The following ADAMTS18 variants were observed in gnomAD, a reference collection of about 807,000 sequenced individuals.
The protein encoded by ADAMTS18 is ADAM metallopeptidase with thrombospondin type 1 motif 18.
In ADAMTS18, 157 loss-of-function variants were observed where a neutral mutation model predicts 165.9. The observed-to-expected ratio is 0.95, with a 90% CI of 0.83 to 1.08. The LOEUF (loss-of-function observed/expected upper bound fraction) is 1.08, where lower values mean the gene tolerates loss of function less well. Ranked by LOEUF, ADAMTS18 falls within the 50% of genes least tolerant of loss-of-function variation. The pLI is 0.00. For missense variants in ADAMTS18, 2,040 were observed against 1,534.0 expected (o/e 1.33, Z -5.51); for synonymous variants, 782 against 578.2 (o/e 1.35, Z -5.06).
chr16:77,302,987 C>A (rs9319508), intron 16 of ADAMTS18, among the ~76,000 whole-genome samples: 89,135 of 151,978 alleles, frequency 0.59, 27,334 homozygotes, highest in Non-Finnish European at 0.69. Flanking sequence ...GCCAACCATA[C>A]AAAATTATCA....
intron 16 of ADAMTS18, among the ~76,000 whole-genome samples, chr16:77,317,515 G>C (rs576641444): frequency 1.8e-4 from 28 of 152,314 alleles, no homozygotes; most frequent in Admixed American, 1.2e-3. Context: ...TGTATTTTTA[G>C]TAGAGATGGG....
intron 3 of ADAMTS18, among the ~76,000 whole-genome samples, chr16:77,425,536 A>G (rs1354912829): frequency 6.6e-6 from 1 of 152,254 alleles, no homozygotes; most frequent in Non-Finnish European, 1.5e-5. Context: ...CAGAAATGCA[A>G]TATGACTGAC....
intron 16 of ADAMTS18, among the ~76,000 whole-genome samples, chr16:77,314,649 G>GTATATA (rs200681259): frequency 1.6e-5 from 2 of 126,476 alleles, no homozygotes; most frequent in African/African-American, 6.2e-5. Context: ...GTGTGTGTGT[G>GTATATA]TATATATATA....
intron 3 of ADAMTS18, among the ~76,000 whole-genome samples, chr16:77,395,127 G>T (rs138993391): frequency 6.9e-4 from 105 of 152,326 alleles, no homozygotes; most frequent in African/African-American, 2.4e-3. Flanking sequence ...CATACCAGAA[G>T]AGACCTGAGG....
At chr16:77,305,124 C>CCG (rs1555510326) in intron 16 of ADAMTS18, among the ~76,000 whole-genome samples, 1 of 1,010 alleles carries the variant, frequency 9.9e-4, no homozygotes, top group African/African-American at 7.2e-3. Flanking sequence ...AGTACCAAGA[C>CCG]AAATATATAA....
intron 13 of ADAMTS18, among the ~76,000 whole-genome samples, chr16:77,323,899 T>C (rs1440102988): frequency 1.3e-5 from 2 of 152,052 alleles, no homozygotes; most frequent in Non-Finnish European, 2.9e-5. Context: ...ACAAAAAGAG[T>C]TCAGTAAACA....
intron 3 of ADAMTS18, among the ~76,000 whole-genome samples, chr16:77,396,559 G>A (rs2057259449): frequency 6.6e-6 from 1 of 152,186 alleles, no homozygotes; most frequent in East Asian, 1.9e-4. Context: ...GGAAATATTT[G>A]AAGGTAGGTA....
At chr16:77,409,121 T>A (rs1331303417) in intron 3 of ADAMTS18, among the ~76,000 whole-genome samples, 1 of 152,120 alleles carries the variant, frequency 6.6e-6, no homozygotes, top group African/African-American at 2.4e-5. Context: ...GTTTCAGGCA[T>A]CCACCGGAGG....
At chr16:77,346,795 G>A (rs1314347880) in intron 10 of ADAMTS18, among the ~76,000 whole-genome samples, 2 of 152,098 alleles carry the variant, frequency 1.3e-5, no homozygotes, top group East Asian at 1.9e-4. Context: ...TTGCCCCGAT[G>A]CCATTTTAAA....
intron 3 of ADAMTS18, among the ~76,000 whole-genome samples, chr16:77,383,286 T>C (rs1275477650): frequency 6.6e-6 from 1 of 152,094 alleles, no homozygotes; most frequent in Non-Finnish European, 1.5e-5. Context: ...AGATGAATTC[T>C]TGACCAAGAG....
At chr16:77,353,210 T>C (rs570148923) in intron 10 of ADAMTS18, among the ~76,000 whole-genome samples, 38 of 152,336 alleles carry the variant, frequency 2.5e-4, no homozygotes, top group African/African-American at 7.9e-4. Context: ...CCTGGACTTT[T>C]GTACTTTCCC....
chr16:77,432,653 G>C (rs990432642), intron 2 of ADAMTS18, among the ~76,000 whole-genome samples: 2 of 152,148 alleles, frequency 1.3e-5, no homozygotes, highest in African/African-American at 4.8e-5. Flanking sequence ...TGTTTAGAAA[G>C]CTGTTGAATA....
chr16:77,434,883 C>G lies in ADAMTS18; in HGVS notation c.-188G>C. 2.3e-6 allele frequency: 1 copy of G among 442,810 alleles called. No individual in the cohort carries two copies. Among genetic ancestry groups the G allele is most frequent in the Non-Finnish European group, 3.8e-6 (1 of 266,504 alleles). The allele number at this position is 442,810 out of a possible 1,614,324, so 27.4% of individuals were successfully genotyped here. ...CTCCTCCGGCCGCCTGCGCGCCCTCCCTTCTCCCGGCGCGGGCCTGCCGAG... is the reference window on the plus strand; with the variant it reads ...CTCCTCCGGCCGCCTGCGCGCCCTCGCTTCTCCCGGCGCGGGCCTGCCGAG... On this transcript the variant is annotated 5_prime_UTR_variant, in exon 1 of 23. Transcript: ENST00000282849.
intron 3 of ADAMTS18, among the ~76,000 whole-genome samples, chr16:77,428,316 T>G (rs1280028586): frequency 2.0e-5 from 3 of 152,208 alleles, no homozygotes; most frequent in Admixed American, 6.5e-5. Flanking sequence ...TCATCTATGA[T>G]TCTGAATCTA....
intron 20 of ADAMTS18, among the ~76,000 whole-genome samples, chr16:77,292,023 AGGCTGGGTGCAGT>A (rs2055373660): frequency 6.6e-6 from 1 of 152,174 alleles, no homozygotes; most frequent in Non-Finnish European, 1.5e-5. Flanking sequence ...ATATCCTTTT[AGGCTGGGTGCAGT>A]GGCTCAGGCC....
intron 4 of ADAMTS18, among the ~76,000 whole-genome samples, chr16:77,364,791 GC>G (rs1174604791): frequency 2.9e-4 from 44 of 151,120 alleles, no homozygotes; most frequent in African/African-American, 9.6e-4. Context: ...GCAAAGCAAA[GC>G]AAAGGAAAGA....
At chr16:77,383,703 T>C (rs1334344342) in intron 3 of ADAMTS18, among the ~76,000 whole-genome samples, 2 of 152,062 alleles carry the variant, frequency 1.3e-5, no homozygotes, top group Non-Finnish European at 2.9e-5. Context: ...CCACCACGCC[T>C]GGCTAATTTT....
chr16:77,335,030 T>C (rs1320026873), intron 12 of ADAMTS18, among the ~76,000 whole-genome samples: 2 of 145,326 alleles, frequency 1.4e-5, no homozygotes, highest in South Asian at 2.1e-4. Context: ...ATATATACTA[T>C]ATATTAATAG....
chr16:77,350,872 G>T (rs1174918572), intron 10 of ADAMTS18, among the ~76,000 whole-genome samples: 6 of 151,932 alleles, frequency 3.9e-5, no homozygotes, highest in Admixed American at 6.6e-5. Flanking sequence ...CCTTTTCGTT[G>T]TTGTTCTTCT....
Sources: gnomAD v4.1 joint callset for allele counts (sites outside exome capture counted in the v4.1 genomes callset) on GRCh38, gnomAD v4.1.1 for gene constraint, MANE v1.5 for transcripts, NCBI Gene and HGNC (gene_info 2026-07-23, HGNC 2026-07-21) for gene names.